The following SERF2 variants were observed in gnomAD, a reference collection of about 807,000 sequenced individuals.
The protein encoded by SERF2 is gastric cancer-related protein VRG107.
In SERF2, 4 loss-of-function variants were observed where a neutral mutation model predicts 10.7. The observed-to-expected ratio is 0.37, with a 90% CI of 0.18 to 0.86. The LOEUF is 0.86. Among genes scored for constraint, SERF2 ranks in the 40% least tolerant of loss-of-function variants. SERF2 has a pLI of 0.43. For synonymous variants in SERF2, 26 were observed against 26.0 expected (o/e 1.00, Z 0.01); for missense variants, 47 against 79.1 (o/e 0.59, Z 1.54).
At chr15:43,777,801 T>C (rs950521289) in intron 1 of SERF2, among the ~76,000 whole-genome samples, 11 of 152,060 alleles carry the variant, frequency 7.2e-5, no homozygotes, top group African/African-American at 2.4e-4. Flanking sequence ...TCTCCACTTG[T>C]TCCTGTTTGA....
Position 43,793,998 on chromosome 15 carries a change from T to C in SERF2, c.*225T>C. 2 of 1,491,470 alleles carry C rather than the reference T, an allele frequency of 1.3e-6. No homozygotes were observed. Among genetic ancestry groups the C allele is most frequent in the African/African-American group, 2.8e-5 (2 of 71,386 alleles). 92.4% of individuals were successfully genotyped at this position (1,491,470 alleles called of 1,614,324 possible). A position where few individuals can be genotyped will look rare whatever the true frequency, so the allele number is the denominator to read the frequency against. ...GGGGGTTACCCCTTCCCAGTGTTTT[T>C]TATTCCTGTGGGGCTCACCCCAAAG... On this transcript the variant is annotated 3_prime_UTR_variant, in exon 3 of 3. Transcript: ENST00000249786.
chr15:43,792,863 C>A, intron 1 of SERF2, 112 bp from the exon 2 acceptor site: 1 of 801,508 alleles, frequency 1.2e-6, no homozygotes, highest in Non-Finnish European at 2.0e-6. Flanking sequence ...GTTGTCGGGG[C>A]CCGGAGATTG....
chr15:43,796,033 G>A lies in SERF2; in HGVS notation c.*2260G>A, dbSNP rs931237543. 3.9e-6 allele frequency: 3 copies of A among 761,738 alleles called. No homozygotes were observed. Among genetic ancestry groups the A allele is most frequent in the East Asian group, 2.4e-5 (1 of 40,892 alleles). 47.2% of individuals were successfully genotyped at this position (761,738 alleles called of 1,614,324 possible). A position where few individuals can be genotyped will look rare whatever the true frequency, so the allele number is the denominator to read the frequency against. The stretch of plus-strand genomic sequence containing the variant: ...AGCACAGTTGCCTAGCACATTGTGG[G>A]TACTCAATAAAAGGTAACAGCAGCT... On this transcript the variant is annotated 3_prime_UTR_variant, in exon 3 of 3. Transcript: ENST00000249786.
intron 1 of SERF2, among the ~76,000 whole-genome samples, chr15:43,782,758 A>G (rs2086974389): frequency 1.3e-5 from 2 of 152,112 alleles, no homozygotes; most frequent in Non-Finnish European, 2.9e-5. Flanking sequence ...CAAAGCCTCA[A>G]AGGATTTATC....
At chr15:43,793,422 C>A in intron 2 of SERF2, 2 of 740,222 alleles carry the variant, frequency 2.7e-6, no homozygotes, top group Non-Finnish European at 4.3e-6. Flanking sequence ...CTCCTCCCTT[C>A]TCCCAACCTC....
chr15:43,787,512 C>G (rs915011365), upstream of SERF2, among the ~76,000 whole-genome samples: 1 of 152,162 alleles, frequency 6.6e-6, no homozygotes, highest in African/African-American at 2.4e-5. Context: ...ATTCTCCTGC[C>G]TCAGACTCCC....
At chr15:43,778,918 T>C (rs546542455) in intron 1 of SERF2, among the ~76,000 whole-genome samples, 1 of 152,220 alleles carries the variant, frequency 6.6e-6, no homozygotes, top group Admixed American at 6.5e-5. Flanking sequence ...ACCTGAGTTT[T>C]GCTGAATACG....
upstream of SERF2, among the ~76,000 whole-genome samples, chr15:43,790,097 G>A (rs1052925372): frequency 1.3e-4 from 19 of 144,908 alleles, no homozygotes; most frequent in African/African-American, 3.6e-4. Flanking sequence ...AGCCGAAATC[G>A]CACCACTGTA....
chr15:43,778,559 GGC>G lies in SERF2; in HGVS notation c.-527+1062_-527+1063del, dbSNP rs2086940387. ...GTCTCAAAAAAAGAAAAAAAGGCCA[GGC>G]GCGCTGGCAGATTCCATCTCAAAAA... On this transcript the variant is annotated intron_variant, in intron 1 of 4. Transcript: ENST00000381359. Among the ~76,000 whole-genome samples, 7 of 104,888 alleles carry G rather than the reference GGC, an allele frequency of 6.7e-5. No individual in the cohort carries two copies. The South Asian group carries it at 1.9e-3, about 28-fold the overall frequency. The allele number at this position is 104,888 out of a possible 152,430, so 68.8% of individuals were successfully genotyped here. A position where few individuals can be genotyped will look rare whatever the true frequency, so the allele number is the denominator to read the frequency against.
chr15:43,787,823 C>G (rs552612976), upstream of SERF2, among the ~76,000 whole-genome samples: 1 of 151,400 alleles, frequency 6.6e-6, no homozygotes, highest in African/African-American at 2.4e-5. Flanking sequence ...CTCACACCCT[C>G]GAGTAGCTGG....
At chr15:43,779,144 A>G (rs942883098) in intron 1 of SERF2, among the ~76,000 whole-genome samples, 1 of 152,208 alleles carries the variant, frequency 6.6e-6, no homozygotes, top group African/African-American at 2.4e-5. Flanking sequence ...GAGTGTGGGC[A>G]GTTCGTTTAT....
chr15:43,790,959 G>A (rs1487781151), upstream of SERF2, among the ~76,000 whole-genome samples: 1 of 146,348 alleles, frequency 6.8e-6, no homozygotes, highest in African/African-American at 2.5e-5. Context: ...TAGTAGAGAC[G>A]GGGTTTTACC....
chr15:43,793,374 G>A (rs1416887854), intron 2 of SERF2: 14 of 591,360 alleles, frequency 2.4e-5, no homozygotes, highest in South Asian at 6.9e-5. Context: ...TTGTGGTTAC[G>A]GCAGCCCAGT....
upstream of SERF2, among the ~76,000 whole-genome samples, chr15:43,791,553 A>G (rs980774905): frequency 2.6e-5 from 4 of 152,226 alleles, no homozygotes; most frequent in African/African-American, 9.7e-5. Flanking sequence ...TCTTAATACA[A>G]AACCGGGTGG....
intron 1 of SERF2, chr15:43,792,660 A>C (rs1391812192): frequency 9.6e-6 from 13 of 1,350,492 alleles, no homozygotes; most frequent in Non-Finnish European, 1.3e-5. Flanking sequence ...CCCCCACTCC[A>C]CAAGCCAGCC....
chr15:43,795,175 C>T lies in SERF2; in HGVS notation c.*1402C>T, dbSNP rs1247683766. Reference sequence around the variant, plus strand: ...CTTGACCCAGAAGGTGGCCCAGCTACCCTTGATGAAGGTCTTTTCCAGTTC... The same window carrying T: ...CTTGACCCAGAAGGTGGCCCAGCTATCCTTGATGAAGGTCTTTTCCAGTTC... On this transcript the variant is annotated 3_prime_UTR_variant, in exon 3 of 3. Coordinates refer to ENST00000249786, the MANE Select transcript of SERF2 (RefSeq NM_001018108.4). 3.7e-6 allele frequency: 6 copies of T among 1,614,076 alleles called. No individual in the cohort carries two copies. In the East Asian group the frequency reaches 1.1e-4, roughly 30 times the overall value.
In SERF2 at chr15:43,795,459, G is replaced by T. The variant is rs376623976; in HGVS notation, c.*1686G>T. 1.2e-6 allele frequency: 2 copies of T among 1,614,212 alleles called. No individual in the cohort carries two copies. On this transcript the variant is annotated 3_prime_UTR_variant, in exon 3 of 3. Transcript: ENST00000249786. ...AGAAGACGAAGTGGAAGGCAGAATA[G>T]TTGTAGGAAAGATGCTGGACTTGGA... is the stretch of plus-strand genomic sequence containing the variant.
intron 2 of SERF2, chr15:43,793,450 G>A: frequency 1.1e-6 from 1 of 940,850 alleles, no homozygotes; most frequent in Non-Finnish European, 1.6e-6. Context: ...GTGTTGCTGG[G>A]TGTGGTCCTC....
At chr15:43,787,720 A>T (rs796234019), upstream of SERF2, among the ~76,000 whole-genome samples, 1 of 147,226 alleles carries the variant, frequency 6.8e-6, no homozygotes, top group African/African-American at 2.5e-5. Flanking sequence ...TTTTTTTGAG[A>T]CAGGGTCTTG....
Sources: gnomAD v4.1 joint callset for allele counts (sites outside exome capture counted in the v4.1 genomes callset) on GRCh38, gnomAD v4.1.1 for gene constraint, MANE v1.5 for transcripts, NCBI Gene and HGNC (gene_info 2026-07-23, HGNC 2026-07-21) for gene names.